IQANK1: variants seen among roughly 807,000 people sequenced by gnomAD.
IQANK1 encodes the protein IQ motif and ankyrin repeat containing 1.
Under a neutral mutation model 22.6 loss-of-function variants are expected in IQANK1, and 30 were observed. The ratio of observed to expected loss-of-function variants is 1.33; its 90% CI spans 0.99 to 1.80. IQANK1 has a LOEUF of 1.80. Ranked by LOEUF, IQANK1 falls within the 40% of genes most tolerant of loss-of-function variation. The pLI is 0.00. For missense variants in IQANK1, 275 were observed against 235.2 expected (o/e 1.17, Z -1.11); for synonymous variants, 122 against 99.6 (o/e 1.23, Z -1.34).
At chr8:143,742,069 A>ACT in intron 3 of IQANK1, 1 of 292,002 alleles carries the variant, frequency 3.4e-6, no homozygotes, top group African/African-American at 2.2e-5. Flanking sequence ...GCTGCGGCCG[A>ACT]CTCTCTCTAG....
At chr8:143,743,682 C>G (rs926866841) in intron 3 of IQANK1, among the ~76,000 whole-genome samples, 3 of 152,176 alleles carry the variant, frequency 2.0e-5, no homozygotes, top group Non-Finnish European at 4.4e-5. Flanking sequence ...GAACACGAAG[C>G]CTGCTTCAGA....
intron 3 of IQANK1, among the ~76,000 whole-genome samples, chr8:143,750,703 A>G (rs1312202518): frequency 6.6e-6 from 1 of 152,090 alleles, no homozygotes; most frequent in African/African-American, 2.4e-5. Context: ...AGTGCTAGCT[A>G]CTTGGAAGGC....
At chr8:143,764,649 C>A (rs1265867453) in intron 3 of IQANK1, among the ~76,000 whole-genome samples, 6 of 151,976 alleles carry the variant, frequency 3.9e-5, no homozygotes, top group Non-Finnish European at 1.5e-5. Context: ...AACAAACGTG[C>A]AAACATTTGA....
chr8:143,740,873 G>C (rs782127457), intron 3 of IQANK1, among the ~76,000 whole-genome samples: 1 of 152,268 alleles, frequency 6.6e-6, no homozygotes, highest in African/African-American at 2.4e-5. Flanking sequence ...TCAGGGGTGC[G>C]GGAGCACCTC....
rs1818721718 is a variant in IQANK1, at chr8:143,735,797, C to T, written c.-4-53C>T. 3 of 700,622 alleles carry T rather than the reference C, an allele frequency of 4.3e-6. No homozygotes were observed. In the Admixed American group the frequency reaches 6.0e-5, roughly 14 times the overall value. 43.4% of individuals were successfully genotyped at this position (700,622 alleles called of 1,614,324 possible). On this transcript the variant is annotated intron_variant, in intron 1 of 13. Transcript: ENST00000527139. The surrounding 1 kb of genome is among the most constrained non-coding windows in gnomAD (Gnocchi z 5.2). ...CTGTTCCCCACTGCCACTGCCCCTG[C>T]CCTCTGCCACTCTGAGCACCCTCTC...
intron 3 of IQANK1, among the ~76,000 whole-genome samples, chr8:143,753,536 C>T (rs551806257): frequency 6.6e-6 from 1 of 151,544 alleles, no homozygotes; most frequent in African/African-American, 2.4e-5. Flanking sequence ...TCACTGCAAC[C>T]TCTGCCTCCC....
intron 3 of IQANK1, among the ~76,000 whole-genome samples, chr8:143,765,823 T>C (rs1274185129): frequency 1.3e-5 from 2 of 152,262 alleles, no homozygotes; most frequent in Non-Finnish European, 2.9e-5. Context: ...GTCTGTTATG[T>C]GCATATAACA....
In IQANK1 at chr8:143,756,913, A is replaced by AG. The variant is rs1450279648; in HGVS notation, c.176-14574dup. Among the ~76,000 whole-genome samples the AG allele has an allele frequency of 7.9e-4, 120 of 151,978 alleles. 1 individual carries two copies. The highest frequency in any genetic ancestry group is 2.8e-3 in the African/African-American group (116 of 41,432). ...GGACTGCTTGAGTCTTGGGAGGTCA[A>AG]GCTGCAGTGAGCTGTGATCGCGCCA... On this transcript the variant is annotated intron_variant, in intron 3 of 13. Transcript: ENST00000527139.
chr8:143,747,041 G>A (rs1281698600), intron 3 of IQANK1, among the ~76,000 whole-genome samples: 5 of 151,914 alleles, frequency 3.3e-5, no homozygotes, highest in East Asian at 3.9e-4. Context: ...CACCACGCCC[G>A]GCTAATTTTT....
chr8:143,772,124 G>C lies in IQANK1; in HGVS notation c.544G>C (p.Val182Leu), dbSNP rs1355695365. The C allele has an allele frequency of 7.6e-6, 3 of 395,692 alleles. No individual in the cohort carries two copies. The highest frequency in any genetic ancestry group is 4.4e-5 in the Admixed American group (1 of 22,586). The allele number at this position is 395,692 out of a possible 1,614,324, so 24.5% of individuals were successfully genotyped here. The change falls in exon 6 of 14, where the codon GTG becomes CTG. Residue 182 changes from valine (V) to leucine (L), a missense_variant. Coordinates refer to ENST00000527139, the MANE Select transcript of IQANK1 (RefSeq NM_001381874.1). ...CGAGGCGCGGCGGCTGCAGCGACGC[G>C]TGGCTCTGGCGGAGTGCGAGGACAG... ...AGEARRLQRR[V>L]ALAECEDSYG...
intron 7 of IQANK1, among the ~76,000 whole-genome samples, chr8:143,775,324 G>A (rs77906655): frequency 0.041 from 5,995 of 147,608 alleles, 359 homozygotes; most frequent in African/African-American, 0.13. Flanking sequence ...TAGTTAAATT[G>A]CCAGGCATGC....
intron 3 of IQANK1, among the ~76,000 whole-genome samples, chr8:143,762,681 C>G (rs987629013): frequency 6.6e-6 from 1 of 152,202 alleles, no homozygotes; most frequent in East Asian, 1.9e-4. Context: ...TTTACCAGAT[C>G]AGTCACTGCA....
intron 7 of IQANK1, among the ~76,000 whole-genome samples, chr8:143,787,786 C>A (rs530466255): frequency 1.3e-5 from 2 of 151,622 alleles, no homozygotes; most frequent in African/African-American, 2.4e-5. Context: ...ATCCTTCCCA[C>A]GCCACAAACC....
intron 3 of IQANK1, among the ~76,000 whole-genome samples, chr8:143,751,629 T>A (rs1819190425): frequency 1.2e-4 from 4 of 32,428 alleles, no homozygotes; most frequent in Admixed American, 4.5e-4. Flanking sequence ...AAAAAAAGTG[T>A]GTGTGTGTGT....
At chr8:143,763,943 T>C (rs190731113) in intron 3 of IQANK1, among the ~76,000 whole-genome samples, 98 of 152,322 alleles carry the variant, frequency 6.4e-4, no homozygotes, top group African/African-American at 2.3e-3. Context: ...TTTTTTGTTA[T>C]ACGAGATATG....
intron 7 of IQANK1, among the ~76,000 whole-genome samples, chr8:143,782,265 A>T (rs1554631005): frequency 6.6e-6 from 1 of 152,116 alleles, no homozygotes; most frequent in Non-Finnish European, 1.5e-5. Context: ...GCAAACAGAA[A>T]CAGTTTGACT....
At chr8:143,749,523 A>G (rs1819142449) in intron 3 of IQANK1, among the ~76,000 whole-genome samples, 2 of 135,146 alleles carry the variant, frequency 1.5e-5, no homozygotes, top group Admixed American at 7.6e-5. Context: ...AAAAATATAT[A>G]TCACATAAAA....
chr8:143,761,405 C>T (rs1377495245), intron 3 of IQANK1, among the ~76,000 whole-genome samples: 3 of 152,246 alleles, frequency 2.0e-5, no homozygotes, highest in Non-Finnish European at 4.4e-5. Flanking sequence ...TCTGACCCAA[C>T]TTTTGTTTTT....
intron 3 of IQANK1, among the ~76,000 whole-genome samples, chr8:143,751,468 C>T (rs1055684809): frequency 3.3e-5 from 5 of 151,042 alleles, no homozygotes; most frequent in Non-Finnish European, 5.9e-5. Context: ...AAAAATTAGT[C>T]GGGTGTGGTG....
Sources: allele counts gnomAD v4.1 joint callset (sites outside exome capture counted in the v4.1 genomes callset), GRCh38; gene constraint gnomAD v4.1.1; non-coding constraint Gnocchi (gnomAD v3.1); transcripts MANE v1.5; gene names NCBI Gene and HGNC (gene_info 2026-07-23, HGNC 2026-07-21).